Variants in MYOM1 observed in about 807,000 individuals in gnomAD.
The protein encoded by MYOM1 is myomesin-1.
MYOM1 carries 164 observed loss-of-function variants against 205.3 expected under a neutral mutation model. That is an observed-to-expected ratio of 0.80 (90% CI 0.70 to 0.91). The LOEUF (loss-of-function observed/expected upper bound fraction) is 0.91. MYOM1 is among the 40% of genes least tolerant of loss of function. The probability of loss-of-function intolerance (pLI) is 0.00; values close to 1 mark genes in which losing one functional copy is unlikely to be tolerated. For synonymous variants in MYOM1, 772 were observed against 789.4 expected (o/e 0.98, Z 0.37); for missense variants, 2,011 against 2,127.3 (o/e 0.95, Z 1.08).
At chr18:3,224,733 C>T (rs921834466), upstream of MYOM1, among the ~76,000 whole-genome samples, 45 of 152,252 alleles carry the variant, frequency 3.0e-4, no homozygotes, top group Admixed American at 6.5e-4. Context: ...GGCATAATCT[C>T]GGCTCACTGC....
chr18:3,197,643 G>A (rs913589180), intron 2 of MYOM1, among the ~76,000 whole-genome samples: 1 of 152,026 alleles, frequency 6.6e-6, no homozygotes, highest in Non-Finnish European at 1.5e-5. Flanking sequence ...GGAGGCCAAG[G>A]CGGGCGGATC....
At chr18:3,145,963 G>T (rs67946605) in intron 13 of MYOM1, among the ~76,000 whole-genome samples, 33,767 of 151,706 alleles carry the variant, frequency 0.22, 4,331 homozygotes, top group East Asian at 0.44. Flanking sequence ...GGTATTAAAA[G>T]GATAATAAGA....
intron 20 of MYOM1, 28 bp downstream of exon 20, chr18:3,119,841 G>A (rs774134036): frequency 2.8e-5 from 44 of 1,583,070 alleles, no homozygotes; most frequent in Admixed American, 1.0e-4. Context: ...TCCGAGGTGC[G>A]GTGTGGAGGC....
At chr18:3,176,413 G>A (rs1446903500) in intron 5 of MYOM1, among the ~76,000 whole-genome samples, 3 of 152,058 alleles carry the variant, frequency 2.0e-5, no homozygotes, top group East Asian at 1.9e-4. Context: ...CATAGTTACC[G>A]AAAAAAGCCA....
chr18:3,074,976 G>A (rs141004992), intron 36 of MYOM1, among the ~76,000 whole-genome samples: 4 of 152,202 alleles, frequency 2.6e-5, no homozygotes, highest in Non-Finnish European at 5.9e-5. Context: ...GTATTTTTTA[G>A]TAGAGACGGG....
chr18:3,243,217 G>C, the MYOM1 span, among the ~76,000 whole-genome samples: 7 of 152,116 alleles, frequency 4.6e-5, no homozygotes, highest in South Asian at 4.2e-4. Context: ...TAAAAGAAAG[G>C]AGCTCCTCCT....
rs538968449 is a variant in MYOM1, at chr18:3,187,626, G to A, written c.783C>T (p.Thr261=). 3.5e-5 allele frequency: 56 copies of A among 1,597,860 alleles called. No individual in the cohort carries two copies. Among genetic ancestry groups the A allele is most frequent in the South Asian group, 1.6e-4 (14 of 89,162 alleles). ...CATTCAGCTTGGCATGATATGTCTC[G>A]GTTTCTTCTAACTGAAAAAACAAAT... is the stretch of plus-strand genomic sequence containing the variant. ...RLSLRKTLEE[T]ETYHAKLNED... The change falls in exon 5 of 38, where the codon ACC becomes ACT. Residue 261 remains threonine, a synonymous_variant. Coordinates refer to ENST00000356443, the MANE Select transcript of MYOM1 (RefSeq NM_003803.4).
chr18:3,071,770 A>T (rs543378017), intron 37 of MYOM1, 64 bp downstream of exon 37: 6 of 1,514,438 alleles, frequency 4.0e-6, no homozygotes, highest in Non-Finnish European at 5.4e-6. Context: ...AAGGAACAAA[A>T]TCTGGGGTGC....
In MYOM1 at chr18:3,152,398, C is replaced by T. The variant is rs548341600; in HGVS notation, c.1644-505G>A. Among the ~76,000 whole-genome samples the T allele has an allele frequency of 6.6e-6, 1 of 152,304 alleles. No homozygotes were observed. Among genetic ancestry groups the T allele is most frequent in the African/African-American group, 2.4e-5 (1 of 41,556 alleles). On this transcript the variant is annotated intron_variant, in intron 11 of 37. Coordinates refer to ENST00000356443, the MANE Select transcript of MYOM1 (RefSeq NM_003803.4). The surrounding 1 kb of genome is among the most constrained non-coding windows in gnomAD (Gnocchi z 4.3). Reference sequence around the variant, plus strand: ...ATATTTCCTCACTTCATGGTCATTCCATCCTGTGTAGAGGGTAAGAAGGTT... The same window carrying T: ...ATATTTCCTCACTTCATGGTCATTCTATCCTGTGTAGAGGGTAAGAAGGTT...
At chr18:3,229,082 C>T in the MYOM1 span, among the ~76,000 whole-genome samples, 1 of 152,220 alleles carries the variant, frequency 6.6e-6, no homozygotes, top group Non-Finnish European at 1.5e-5. Context: ...GGACTAGAAG[C>T]TGGAAGCAGG....
chr18:3,140,828 GA>G (rs560266444), intron 14 of MYOM1, among the ~76,000 whole-genome samples: 5 of 152,210 alleles, frequency 3.3e-5, no homozygotes, highest in Admixed American at 3.3e-4. Flanking sequence ...ATTTTGCTAT[GA>G]AACTAAAATG....
intron 3 of MYOM1, among the ~76,000 whole-genome samples, chr18:3,192,421 T>C (rs926783100): frequency 1.3e-5 from 2 of 152,200 alleles, no homozygotes; most frequent in African/African-American, 4.8e-5. Context: ...ACCTTCCTAA[T>C]TGGGTTCAGA....
At chr18:3,154,404 T>C (rs909954477) in intron 11 of MYOM1, among the ~76,000 whole-genome samples, 2 of 152,076 alleles carry the variant, frequency 1.3e-5, no homozygotes, top group East Asian at 1.9e-4. Flanking sequence ...GTAGACCTAA[T>C]AGAGACCTAA....
chr18:3,171,431 A>G (rs1470593446), intron 8 of MYOM1, among the ~76,000 whole-genome samples: 2 of 152,170 alleles, frequency 1.3e-5, no homozygotes, highest in African/African-American at 4.8e-5. Context: ...TCCCCTAGAA[A>G]CGGACCTAAC....
At chr18:3,136,450 G>A (rs1024783718) in intron 14 of MYOM1, among the ~76,000 whole-genome samples, 2 of 151,852 alleles carry the variant, frequency 1.3e-5, no homozygotes, top group African/African-American at 4.8e-5. Flanking sequence ...TTTTGAGACA[G>A]GGTCTTACCC....
At chr18:3,114,566 TTTTA>T (rs1170380298) in intron 21 of MYOM1, among the ~76,000 whole-genome samples, 2,102 of 148,720 alleles carry the variant, frequency 0.014, 37 homozygotes, top group South Asian at 0.071. Flanking sequence ...TTTTTTTTTT[TTTTA>T]GAGACAGGGT....
rs2079837355 is a variant in MYOM1 at position 3,129,144 on chromosome 18, A to G, written c.2794+88T>C. On this transcript the variant is annotated intron_variant, in intron 18 of 37. Transcript: ENST00000356443. ...AATAAGAATGGACATTGATGAAAGC[A>G]AACATGGATGAAGGATGTGATGTAG... 2.8e-6 allele frequency: 4 copies of G among 1,452,458 alleles called. No individual in the cohort carries two copies. In the South Asian group the frequency reaches 4.2e-5, roughly 15 times the overall value. 90.0% of individuals were successfully genotyped at this position (1,452,458 alleles called of 1,614,324 possible).
At chr18:3,118,489 T>C (rs1356775189) in intron 20 of MYOM1, among the ~76,000 whole-genome samples, 1 of 150,112 alleles carries the variant, frequency 6.7e-6, no homozygotes, top group Non-Finnish European at 1.5e-5. Flanking sequence ...TGCACCATCA[T>C]GCCCAGCTAA....
the MYOM1 span, among the ~76,000 whole-genome samples, chr18:3,229,535 G>A: frequency 6.6e-6 from 1 of 152,134 alleles, no homozygotes; most frequent in African/African-American, 2.4e-5. Context: ...ACTATGAATT[G>A]GAGGGTATGT....
Sources: allele counts gnomAD v4.1 joint callset (sites outside exome capture counted in the v4.1 genomes callset), GRCh38; gene constraint gnomAD v4.1.1; non-coding constraint Gnocchi (gnomAD v3.1); transcripts MANE v1.5; gene names NCBI Gene and HGNC (gene_info 2026-07-23, HGNC 2026-07-21).